Variants in CDH18 observed in about 807,000 individuals in gnomAD.
The protein encoded by CDH18 is cadherin 18, also known as cadherin-18.
In CDH18, 31 loss-of-function variants were observed where a neutral mutation model predicts 67.9. That is an observed-to-expected ratio of 0.46 (90% CI 0.34 to 0.62). CDH18 has a LOEUF of 0.62. Ranked by LOEUF, CDH18 falls within the 20% of genes least tolerant of loss-of-function variation. The probability of loss-of-function intolerance (pLI) is 0.01; values close to 1 mark genes in which losing one functional copy is unlikely to be tolerated. For synonymous variants in CDH18, 362 were observed against 347.2 expected, an observed-to-expected ratio of 1.04 and a Z score of -0.48; for missense variants, 890 against 975.5, an observed-to-expected ratio of 0.91 and a Z score of 1.17.
Position 20,458,682 on chromosome 5 carries a change from T to C in CDH18, c.-580+116780A>G, listed in dbSNP as rs376040129. ...TCTATTGCTATTTTATAAAAGGTTT[T>C]ACATTTCTTTCAGGAGCTTAATTTT... On this transcript the variant is annotated intron_variant, in intron 1 of 14. Transcript: ENST00000507958. Among the ~76,000 whole-genome samples, 18 of 152,316 alleles carry C rather than the reference T, an allele frequency of 1.2e-4. No homozygotes were observed. In the South Asian group the frequency reaches 3.7e-3, roughly 32 times the overall value.
intron 2 of CDH18, among the ~76,000 whole-genome samples, chr5:20,210,422 A>G (rs1175447060): frequency 6.6e-6 from 1 of 151,988 alleles, no homozygotes; most frequent in Non-Finnish European, 1.5e-5. Flanking sequence ...CCTTTCCTCC[A>G]TAATTTTCCC....
rs1580192333 is a variant in CDH18 at position 20,080,239 on chromosome 5, T to A, written c.-517-88225A>T. Among the ~76,000 whole-genome samples, 8 of 152,284 alleles carry A rather than the reference T, an allele frequency of 5.3e-5. 2 individuals carry two copies. Among genetic ancestry groups the A allele is most frequent in the Admixed American group, 5.2e-4 (8 of 15,282 alleles). Reference sequence around the variant, plus strand: ...TACTTGGCCTTTAGTCCACTTATTATCCTTTTTTTATTACATTGGCCTTCC... The same window carrying A: ...TACTTGGCCTTTAGTCCACTTATTAACCTTTTTTTATTACATTGGCCTTCC... On this transcript the variant is annotated intron_variant, in intron 2 of 14. Transcript: ENST00000507958.
At chr5:19,515,291 C>T (rs1488148656) in intron 10 of CDH18, among the ~76,000 whole-genome samples, 7 of 152,146 alleles carry the variant, frequency 4.6e-5, no homozygotes, top group African/African-American at 1.7e-4. Flanking sequence ...ATGCCTCCAG[C>T]TTTGTTCTTT....
At chr5:20,258,846 G>A (rs1289654233) in intron 1 of CDH18, among the ~76,000 whole-genome samples, 1 of 152,036 alleles carries the variant, frequency 6.6e-6, no homozygotes, top group Non-Finnish European at 1.5e-5. Context: ...GCTGGTATGA[G>A]TAATCAAAAA....
intron 8 of CDH18, among the ~76,000 whole-genome samples, chr5:19,550,151 A>G (rs989902000): frequency 6.6e-6 from 1 of 152,120 alleles, no homozygotes; most frequent in African/African-American, 2.4e-5. Flanking sequence ...GAGAGAAAAA[A>G]AAAGAAAGAA....
At chr5:20,023,584 G>C (rs373443833) in intron 2 of CDH18, among the ~76,000 whole-genome samples, 1 of 150,522 alleles carries the variant, frequency 6.6e-6, no homozygotes, top group Middle Eastern at 3.4e-3. Flanking sequence ...GCGTGAACCC[G>C]GGAGGCGGAG....
At chr5:19,907,580 C>T (rs1339905710) in intron 2 of CDH18, among the ~76,000 whole-genome samples, 3 of 151,820 alleles carry the variant, frequency 2.0e-5, no homozygotes, top group Non-Finnish European at 2.9e-5. Flanking sequence ...TGAAACAGTT[C>T]ATGTTTTGGA....
At chr5:20,309,488 A>G (rs1051109584) in intron 1 of CDH18, among the ~76,000 whole-genome samples, 2 of 152,228 alleles carry the variant, frequency 1.3e-5, no homozygotes, top group African/African-American at 4.8e-5. Context: ...AAAAACACAT[A>G]AATTCAAAAC....
chr5:19,993,216 T>G (rs527969456), intron 2 of CDH18, among the ~76,000 whole-genome samples: 1 of 152,246 alleles, frequency 6.6e-6, no homozygotes, highest in African/African-American at 2.4e-5. Flanking sequence ...ATTAAATATA[T>G]GGTAGTGGGG....
chr5:20,387,206 G>C (rs897732138), intron 1 of CDH18, among the ~76,000 whole-genome samples: 7 of 152,268 alleles, frequency 4.6e-5, no homozygotes, highest in African/African-American at 1.7e-4. Context: ...CCATGAGCAT[G>C]GAATATTCTT....
At chr5:20,297,135 T>G (rs566861931) in intron 1 of CDH18, among the ~76,000 whole-genome samples, 172 of 152,204 alleles carry the variant, frequency 1.1e-3, no homozygotes, top group African/African-American at 3.9e-3. Flanking sequence ...AAGGTAAAAA[T>G]GGAATTATAA....
At chr5:19,709,004 T>TATCAAAAAATAAATAAA (rs70950088) in intron 5 of CDH18, among the ~76,000 whole-genome samples, 4,777 of 149,108 alleles carry the variant, frequency 0.032, 106 homozygotes, top group Middle Eastern at 0.082. Flanking sequence ...CTAGACTCTG[T>TATCAAAAAATAAATAAA]TAAATAAATA....
chr5:19,872,208 CAG>C (rs1338101899), intron 2 of CDH18, among the ~76,000 whole-genome samples: 1 of 152,068 alleles, frequency 6.6e-6, no homozygotes, highest in East Asian at 1.9e-4. Context: ...TTAGTCATCA[CAG>C]GTATTGAAAT....
chr5:19,574,676 G>T (rs755279101), intron 7 of CDH18, among the ~76,000 whole-genome samples: 1 of 151,902 alleles, frequency 6.6e-6, no homozygotes, highest in Non-Finnish European at 1.5e-5. Context: ...AACTACTCAA[G>T]TACCCATCTT....
intron 10 of CDH18, among the ~76,000 whole-genome samples, chr5:19,508,357 A>G (rs776672746): frequency 2.0e-5 from 3 of 152,080 alleles, no homozygotes; most frequent in Non-Finnish European, 4.4e-5. Flanking sequence ...ATTCTGATTT[A>G]TATCCACTGT....
At chr5:19,634,235 A>G (rs2150192754) in intron 5 of CDH18, among the ~76,000 whole-genome samples, 1 of 152,314 alleles carries the variant, frequency 6.6e-6, no homozygotes, top group East Asian at 1.9e-4. Context: ...TTGATGAATA[A>G]CAACGTTGTT....
intron 11 of CDH18, among the ~76,000 whole-genome samples, chr5:19,491,616 T>C (rs941905347): frequency 1.3e-5 from 2 of 152,176 alleles, no homozygotes; most frequent in African/African-American, 4.8e-5. Context: ...AACAGTTACA[T>C]AGTCAACACT....
At chr5:20,414,592 A>T (rs1747117117) in intron 1 of CDH18, among the ~76,000 whole-genome samples, 1 of 152,132 alleles carries the variant, frequency 6.6e-6, no homozygotes, top group African/African-American at 2.4e-5. Flanking sequence ...TAACCAACCT[A>T]CTCTAGTAAA....
chr5:19,845,169 C>A (rs1027960459), intron 2 of CDH18, among the ~76,000 whole-genome samples: 3 of 135,868 alleles, frequency 2.2e-5, no homozygotes, highest in Non-Finnish European at 5.1e-5. Flanking sequence ...TGGAATAATT[C>A]AAAGAATTAA....
Sources: gnomAD v4.1 joint callset for allele counts (sites outside exome capture counted in the v4.1 genomes callset) on GRCh38, gnomAD v4.1.1 for gene constraint, MANE v1.5 for transcripts, NCBI Gene and HGNC (gene_info 2026-07-23, HGNC 2026-07-21) for gene names.